PIK3R5: variants seen among roughly 807,000 people sequenced by gnomAD.
PIK3R5 encodes the protein phosphoinositide-3-kinase regulatory subunit 5.
PIK3R5 carries 32 observed loss-of-function variants against 94.9 expected under a neutral mutation model. The ratio of observed to expected loss-of-function variants is 0.34; its 90% CI spans 0.25 to 0.45. The LOEUF is 0.45. Among genes scored for constraint, PIK3R5 ranks in the 20% least tolerant of loss-of-function variants. The pLI is 1.00. For synonymous variants in PIK3R5, 443 were observed against 479.4 expected, an observed-to-expected ratio of 0.92 and a Z score of 0.99; for missense variants, 853 against 1,144.6, an observed-to-expected ratio of 0.75 and a Z score of 3.68.
Position 8,888,773 on chromosome 17 carries a change from C to G in PIK3R5, c.1014G>C (p.Gly338=), listed in dbSNP as rs780549835. 1 of 1,613,178 alleles carries G rather than the reference C, an allele frequency of 6.2e-7. No individual in the cohort carries two copies. The highest frequency in any genetic ancestry group is 2.2e-5 in the East Asian group (1 of 44,886). Residue 338 remains glycine (G), a synonymous_variant, in exon 10 of 19, where the codon GGG becomes GGC. Coordinates refer to ENST00000447110, the MANE Select transcript of PIK3R5 (RefSeq NM_001142633.3). This position sits in a 1 kb window ranked among gnomAD's most constrained non-coding sequence, Gnocchi z 7.8. The part of the protein sequence containing the change: ...EEVEEDLETD[G]HCAERDSLLS... ...GCAGGGAATCTCTCTCGGCACAGTG[C>G]CCGTCAGTTTCCAAGTCCTCCTCCA...
At chr17:8,949,702 G>A (rs1054729763) in intron 1 of PIK3R5, among the ~76,000 whole-genome samples, 3 of 152,270 alleles carry the variant, frequency 2.0e-5, no homozygotes, top group Middle Eastern at 3.4e-3. Flanking sequence ...TCATAAGTGG[G>A]AGCTAAGCTA....
rs1434311021 is a variant in PIK3R5 at position 8,882,844 on chromosome 17, T to C, written c.2206-963A>G. On this transcript the variant is annotated intron_variant, in intron 15 of 18. Coordinates refer to ENST00000447110, the MANE Select transcript of PIK3R5 (RefSeq NM_001142633.3). The surrounding 1 kb of genome is among the most constrained non-coding windows in gnomAD (Gnocchi z 4.1). ...TCTGTCTCCCATTCCTTTCCAGCTC[T>C]GCCACCACTACCCTAGTGCAGGCTG... is the stretch of plus-strand genomic sequence containing the variant. 6.6e-6 allele frequency among the ~76,000 whole-genome samples: 1 copy of C among 151,406 alleles called. No homozygotes were observed. The highest frequency in any genetic ancestry group is 6.6e-5 in the Admixed American group (1 of 15,242).
intron 5 of PIK3R5, among the ~76,000 whole-genome samples, chr17:8,902,503 C>T (rs764634898): frequency 1.4e-4 from 22 of 152,028 alleles, no homozygotes; most frequent in South Asian, 2.1e-4. Flanking sequence ...CTGCCCACCT[C>T]GGCCTCCCAA....
intron 1 of PIK3R5, chr17:8,912,424 T>G (rs2090545966): frequency 6.6e-6 from 1 of 152,294 alleles, no homozygotes; most frequent in Non-Finnish European, 1.5e-5. Context: ...TCCAAACTTC[T>G]GTTGACTTAT....
chr17:8,904,980 A>G lies in PIK3R5; in HGVS notation c.274-65T>C, dbSNP rs944956096. On this transcript the variant is annotated intron_variant, in intron 4 of 18. Transcript: ENST00000447110. This position sits in a 1 kb window ranked among gnomAD's most constrained non-coding sequence, Gnocchi z 5.1. The stretch of plus-strand genomic sequence containing the variant: ...AGAAAAGGCTCAGATAGTCCCAGAC[A>G]GCTTCTGCTCCCTTTCTGGAATATT... 34 of 1,518,764 alleles carry G rather than the reference A, an allele frequency of 2.2e-5. No individual in the cohort carries two copies. The South Asian group carries it at 2.6e-4, about 12-fold the overall frequency. 94.1% of individuals were successfully genotyped at this position (1,518,764 alleles called of 1,614,324 possible). A position where few individuals can be genotyped will look rare whatever the true frequency, so the allele number is the denominator to read the frequency against.
Position 8,884,923 on chromosome 17 carries a change from G to A in PIK3R5, c.2129-140C>T. On this transcript the variant is annotated intron_variant, in intron 14 of 18. Transcript: ENST00000447110. This position sits in a 1 kb window ranked among gnomAD's most constrained non-coding sequence, Gnocchi z 5.8. ...ACTCCCTAGGGATCTGTCTCACCAA[G>A]GCCCTGCCTCTCTCTCTGGCTCCAC... 1 of 678,976 alleles carries A rather than the reference G, an allele frequency of 1.5e-6. No homozygotes were observed. The highest frequency in any genetic ancestry group is 2.6e-6 in the Non-Finnish European group (1 of 384,796). 42.1% of individuals were successfully genotyped at this position (678,976 alleles called of 1,614,324 possible). A position where few individuals can be genotyped will look rare whatever the true frequency, so the allele number is the denominator to read the frequency against.
chr17:8,904,961 G>A lies in PIK3R5; in HGVS notation c.274-46C>T, dbSNP rs1408043399. 1.3e-6 allele frequency: 2 copies of A among 1,592,848 alleles called. No individual in the cohort carries two copies. Among genetic ancestry groups the A allele is most frequent in the East Asian group, 2.2e-5 (1 of 44,810 alleles). ...AAGCAAAGAGATCTAGGTGAGAAAA[G>A]GCTCAGATAGTCCCAGACAGCTTCT... On this transcript the variant is annotated intron_variant, in intron 4 of 18. Coordinates refer to ENST00000447110, the MANE Select transcript of PIK3R5 (RefSeq NM_001142633.3). The surrounding 1 kb of genome is among the most constrained non-coding windows in gnomAD (Gnocchi z 5.1).
chr17:8,929,956 G>A (rs572389369), intron 1 of PIK3R5, among the ~76,000 whole-genome samples: 10 of 152,204 alleles, frequency 6.6e-5, no homozygotes, highest in Non-Finnish European at 1.2e-4. Flanking sequence ...CCCCAAAAGC[G>A]ATCGAATTTA....
At chr17:8,958,549 C>T (rs937066565) in intron 1 of PIK3R5, among the ~76,000 whole-genome samples, 6 of 152,168 alleles carry the variant, frequency 3.9e-5, no homozygotes, top group African/African-American at 1.4e-4. Context: ...TTGAAGAAAA[C>T]GTCCTTCACA....
rs551698884 is a variant in PIK3R5 at position 8,925,289 on chromosome 17, G to GGATA, written c.-13-13786_-13-13783dup. Among the ~76,000 whole-genome samples, 9 of 149,984 alleles carry GGATA rather than the reference G, an allele frequency of 6.0e-5. No individual in the cohort carries two copies. Among genetic ancestry groups the GGATA allele is most frequent in the Admixed American group, 4.0e-4 (6 of 15,092 alleles). ...AGCTAGTAGATGATAGATAGTAGAT[G>GGATA]GATAGATAGATAGATAGTAGATGGA... On this transcript the variant is annotated intron_variant, in intron 1 of 18. Coordinates refer to ENST00000447110, the MANE Select transcript of PIK3R5 (RefSeq NM_001142633.3). The surrounding 1 kb of genome is among the most constrained non-coding windows in gnomAD (Gnocchi z 5.1).
intron 1 of PIK3R5, among the ~76,000 whole-genome samples, chr17:8,964,611 A>G (rs2091631411): frequency 6.6e-6 from 1 of 152,198 alleles, no homozygotes; most frequent in South Asian, 2.1e-4. Context: ...TTTGAAAACT[A>G]CAGATTCCAG....
intron 1 of PIK3R5, among the ~76,000 whole-genome samples, chr17:8,937,739 G>A (rs944986733): frequency 6.6e-6 from 1 of 152,126 alleles, no homozygotes; most frequent in Admixed American, 6.6e-5. Flanking sequence ...GGTAATGCTG[G>A]CCTCATAGAA....
chr17:8,896,310 CAG>C lies in PIK3R5; in HGVS notation c.413-2657_413-2656del, dbSNP rs1270163101. Among the ~76,000 whole-genome samples, 2 of 152,154 alleles carry C rather than the reference CAG, an allele frequency of 1.3e-5. No individual in the cohort carries two copies. Among genetic ancestry groups the C allele is most frequent in the African/African-American group, 2.4e-5 (1 of 41,422 alleles). On this transcript the variant is annotated intron_variant, in intron 5 of 18. Transcript: ENST00000447110. This position sits in a 1 kb window ranked among gnomAD's most constrained non-coding sequence, Gnocchi z 4.0. ...TTAACTCCACCCTCCACTCCCCAAA[CAG>C]GGAGGCTGCACTGGGGAGCCTCAGA...
At chr17:8,964,962 C>G (rs1261189542) in intron 1 of PIK3R5, among the ~76,000 whole-genome samples, 1 of 152,022 alleles carries the variant, frequency 6.6e-6, no homozygotes, top group Non-Finnish European at 1.5e-5. Flanking sequence ...GTGTATTTAC[C>G]CCAGGCCGGG....
chr17:8,916,266 G>C (rs1196576311), intron 1 of PIK3R5: 6 of 152,364 alleles, frequency 3.9e-5, no homozygotes, highest in Non-Finnish European at 8.8e-5. Flanking sequence ...TCAGTCATCA[G>C]CTGTTTCTTA....
In PIK3R5 at chr17:8,911,478, G is replaced by A. The variant is rs200224564; in HGVS notation, c.17C>T (p.Thr6Met). 18 of 1,599,410 alleles carry A rather than the reference G, an allele frequency of 1.1e-5. No homozygotes were observed. Among genetic ancestry groups the A allele is most frequent in the Non-Finnish European group, 1.5e-5 (18 of 1,179,650 alleles). Residue 6 changes from threonine to methionine, a missense_variant, in exon 2 of 19, where the codon ACG (threonine) becomes ATG (methionine). Physicochemically the swap from Thr to Met is moderately conservative, Grantham distance 81. Around this residue, in one of 6 missense-constraint regions of PIK3R5, gnomAD observed 108 missense variants for 170.1 expected, o/e 0.63. Transcript: ENST00000447110. This position sits in a 1 kb window ranked among gnomAD's most constrained non-coding sequence, Gnocchi z 5.3. MQPGA[T>M]TCTEDRIQHA... ...CTGGATGCGGTCCTCCGTGCATGTC[G>A]TGGCCCCTGGCTGCATCCTGGGTCA...
chr17:8,920,821 A>ATTTTTTTTTTTTTTTTTTTTT (rs145031391), intron 1 of PIK3R5, among the ~76,000 whole-genome samples: 1 of 144,742 alleles, frequency 6.9e-6, no homozygotes. Flanking sequence ...TATATTAAGT[A>ATTTTTTTTTTTTTTTTTTTTT]TTTTTTTTTC....
chr17:8,884,862 G>C lies in PIK3R5; in HGVS notation c.2129-79C>G. ...CGAACGCAGTGGCCTTGCCTCCCTG[G>C]GCCTTACCTCCCCATCCCCTACCAC... On this transcript the variant is annotated intron_variant, in intron 14 of 18. Transcript: ENST00000447110. The surrounding 1 kb of genome is among the most constrained non-coding windows in gnomAD (Gnocchi z 5.8). 2 of 1,197,932 alleles carry C rather than the reference G, an allele frequency of 1.7e-6. No homozygotes were observed. The highest frequency in any genetic ancestry group is 2.5e-6 in the Non-Finnish European group (2 of 813,582). The allele number at this position is 1,197,932 out of a possible 1,614,324, so 74.2% of individuals were successfully genotyped here. A position where few individuals can be genotyped will look rare whatever the true frequency, so the allele number is the denominator to read the frequency against.
At chr17:8,958,760 C>CT (rs551580901) in intron 1 of PIK3R5, among the ~76,000 whole-genome samples, 4,023 of 143,912 alleles carry the variant, frequency 0.028, 58 homozygotes, top group Middle Eastern at 0.062. Flanking sequence ...TTCTCTCTCT[C>CT]TTTTTTTTTT....
Sources: allele counts gnomAD v4.1 joint callset (sites outside exome capture counted in the v4.1 genomes callset), GRCh38; gene constraint gnomAD v4.1.1; regional missense constraint gnomAD v4.1.1; non-coding constraint Gnocchi (gnomAD v3.1); transcripts MANE v1.5; gene names NCBI Gene and HGNC (gene_info 2026-07-23, HGNC 2026-07-21).